The following TMEM132D variants were observed in gnomAD, a reference collection of about 807,000 sequenced individuals.
The protein encoded by TMEM132D is mature OL transmembrane protein.
A neutral mutation model predicts 62.3 loss-of-function variants in TMEM132D; 21 were observed. The ratio of observed to expected loss-of-function variants is 0.34; its 90% CI spans 0.24 to 0.49. The LOEUF (loss-of-function observed/expected upper bound fraction) is 0.49. Ranked by LOEUF, TMEM132D falls within the 20% of genes least tolerant of loss-of-function variation. TMEM132D has a pLI of 0.99. For synonymous variants in TMEM132D, 621 were observed against 575.6 expected (o/e 1.08, Z -1.13); for missense variants, 1,346 against 1,402.8 (o/e 0.96, Z 0.65).
intron 4 of TMEM132D, among the ~76,000 whole-genome samples, chr12:129,304,330 A>G (rs1054847536): frequency 5.3e-5 from 8 of 152,150 alleles, no homozygotes; most frequent in African/African-American, 1.4e-4. Context: ...GGCCTGAACA[A>G]TCCCATATCC....
At chr12:129,151,717 A>G (rs1013773753) in intron 5 of TMEM132D, among the ~76,000 whole-genome samples, 3 of 152,110 alleles carry the variant, frequency 2.0e-5, no homozygotes, top group Non-Finnish European at 4.4e-5. Flanking sequence ...CGGCAGCTAA[A>G]AGGAAGAGCA....
intron 1 of TMEM132D, among the ~76,000 whole-genome samples, chr12:129,866,846 C>A (rs1939279271): frequency 6.6e-6 from 1 of 152,148 alleles, no homozygotes; most frequent in South Asian, 2.1e-4. Flanking sequence ...GCTCATCATG[C>A]AGGGGGATTC....
intron 1 of TMEM132D, among the ~76,000 whole-genome samples, chr12:129,817,182 A>G (rs989564482): frequency 2.0e-5 from 3 of 152,178 alleles, no homozygotes; most frequent in Non-Finnish European, 2.9e-5. Flanking sequence ...TCCAATCCCC[A>G]CTGCACCTTA....
At chr12:129,275,700 C>T (rs1251165641) in intron 4 of TMEM132D, among the ~76,000 whole-genome samples, 1 of 152,206 alleles carries the variant, frequency 6.6e-6, no homozygotes, top group Non-Finnish European at 1.5e-5. Context: ...CTCCCGGGCT[C>T]AGGTCCCATG....
chr12:129,511,252 T>G (rs1875488873), intron 3 of TMEM132D, among the ~76,000 whole-genome samples: 2 of 152,214 alleles, frequency 1.3e-5, no homozygotes, highest in Admixed American at 1.3e-4. Flanking sequence ...GGACTTCCCT[T>G]CTATAGAATT....
At chr12:129,754,885 T>C (rs1170732160) in intron 1 of TMEM132D, among the ~76,000 whole-genome samples, 1 of 152,136 alleles carries the variant, frequency 6.6e-6, no homozygotes, top group East Asian at 1.9e-4. Context: ...GTGTTATCTT[T>C]AGAAAGTCAA....
chr12:129,666,674 C>G (rs1035991058), intron 2 of TMEM132D, among the ~76,000 whole-genome samples: 2 of 152,144 alleles, frequency 1.3e-5, no homozygotes, highest in African/African-American at 4.8e-5. Context: ...ACAGTCAGAC[C>G]TTATCTTCAT....
At chr12:129,167,393 C>T (rs539024782) in intron 5 of TMEM132D, among the ~76,000 whole-genome samples, 88 of 152,228 alleles carry the variant, frequency 5.8e-4, no homozygotes, top group African/African-American at 1.9e-3. Context: ...GGCTTCCCCA[C>T]GCAACTCATT....
rs71301340 is a variant in TMEM132D, at chr12:129,605,587, T to TTATA, written c.969-74386_969-74383dup. On this transcript the variant is annotated intron_variant, in intron 2 of 8. Transcript: ENST00000422113. Reference sequence around the variant, plus strand: ...TTAAATTATTATGGGAAATTAGGCATTATATATATATATATATACACACAC... The same window carrying TTATA: ...TTAAATTATTATGGGAAATTAGGCATTATATATATATATATATATATACACACAC... Among the ~76,000 whole-genome samples, 69 of 107,330 alleles carry TTATA rather than the reference T, an allele frequency of 6.4e-4. 3 individuals are homozygous for TTATA. The highest frequency in any genetic ancestry group is 1.7e-3 in the African/African-American group (44 of 25,722). The allele number at this position is 107,330 out of a possible 152,430, so 70.4% of individuals were successfully genotyped here. A position where few individuals can be genotyped will look rare whatever the true frequency, so the allele number is the denominator to read the frequency against.
intron 8 of TMEM132D, among the ~76,000 whole-genome samples, chr12:129,075,341 GTGT>G (rs1169729288): frequency 1.3e-5 from 2 of 150,136 alleles, no homozygotes; most frequent in Non-Finnish European, 3.0e-5. Flanking sequence ...TCTCCTGTAG[GTGT>G]TGTTATAAAA....
chr12:129,153,419 G>A (rs1454394531), intron 5 of TMEM132D, among the ~76,000 whole-genome samples: 3 of 151,788 alleles, frequency 2.0e-5, no homozygotes, highest in Non-Finnish European at 2.9e-5. Context: ...TGCTCTGAAG[G>A]TTTTGCCGTT....
At chr12:129,736,769 T>A (rs1457937843) in intron 1 of TMEM132D, among the ~76,000 whole-genome samples, 2 of 151,854 alleles carry the variant, frequency 1.3e-5, no homozygotes, top group Non-Finnish European at 2.9e-5. Context: ...AGAGGAACAT[T>A]ATTATATCTG....
At chr12:129,775,396 C>T (rs1870887634) in intron 1 of TMEM132D, among the ~76,000 whole-genome samples, 1 of 152,148 alleles carries the variant, frequency 6.6e-6, no homozygotes, top group Admixed American at 6.5e-5. Flanking sequence ...CCTGCTGTAC[C>T]AGAACCAGGC....
At chr12:129,209,796 A>C (rs1397892785) in intron 4 of TMEM132D, 133 bp from the exon 5 acceptor site, 1 of 1,300,256 alleles carries the variant, frequency 7.7e-7, no homozygotes, top group Non-Finnish European at 1.1e-6. Flanking sequence ...AAATCCTGGC[A>C]GTCCGCACCA....
At chr12:129,900,826 T>C (rs1221591908) in intron 1 of TMEM132D, among the ~76,000 whole-genome samples, 1 of 152,156 alleles carries the variant, frequency 6.6e-6, no homozygotes, top group Admixed American at 6.5e-5. Context: ...TTAGGGGCCA[T>C]AGGACAAGGC....
chr12:129,307,270 A>G (rs534949041), intron 4 of TMEM132D, among the ~76,000 whole-genome samples: 4 of 152,186 alleles, frequency 2.6e-5, no homozygotes, highest in Non-Finnish European at 5.9e-5. Context: ...ACCAAGTGAC[A>G]GTGACTGGGA....
At chr12:129,845,858 C>T (rs1873344602) in intron 1 of TMEM132D, among the ~76,000 whole-genome samples, 1 of 152,206 alleles carries the variant, frequency 6.6e-6, no homozygotes, top group Non-Finnish European at 1.5e-5. Context: ...GCTCCACAGG[C>T]CGTGCTCCCA....
At chr12:129,079,766 G>A (rs1280377857) in intron 7 of TMEM132D, among the ~76,000 whole-genome samples, 2 of 152,158 alleles carry the variant, frequency 1.3e-5, no homozygotes, top group African/African-American at 4.8e-5. Flanking sequence ...AAATGGTGGC[G>A]AGCATGAGAG....
intron 2 of TMEM132D, among the ~76,000 whole-genome samples, chr12:129,552,998 G>C (rs771931729): frequency 6.6e-6 from 1 of 152,236 alleles, no homozygotes; most frequent in Non-Finnish European, 1.5e-5. Flanking sequence ...CCCCAAGTCC[G>C]AGTCTCTGGG....
Sources: allele counts gnomAD v4.1 joint callset (sites outside exome capture counted in the v4.1 genomes callset), GRCh38; gene constraint gnomAD v4.1.1; transcripts MANE v1.5; gene names NCBI Gene and HGNC (gene_info 2026-07-23, HGNC 2026-07-21).